DLG5: variants seen among roughly 807,000 people sequenced by gnomAD.
The protein encoded by DLG5 is discs large MAGUK scaffold protein 5.
Under a neutral mutation model 189.8 loss-of-function variants are expected in DLG5, and 48 were observed. That is an observed-to-expected ratio of 0.25 (90% CI 0.20 to 0.32). DLG5 has a LOEUF of 0.32. Ranked by LOEUF, DLG5 falls within the 10% of genes least tolerant of loss-of-function variation. The pLI, the probability that DLG5 is intolerant of heterozygous loss-of-function variation, is 1.00. For missense variants in DLG5, 2,160 were observed against 2,544.7 expected (o/e 0.85, Z 3.25); for synonymous variants, 1,016 against 1,054.1 (o/e 0.96, Z 0.70).
At chr10:77,828,779 C>T (rs1473006114) in intron 13 of DLG5, 103 bp downstream of exon 13, 1 of 1,111,464 alleles carries the variant, frequency 9.0e-7, no homozygotes, top group Non-Finnish European at 1.3e-6. Context: ...ATGCCCACAA[C>T]AAGGAAAATA....
upstream of DLG5, among the ~76,000 whole-genome samples, chr10:77,930,450 C>T (rs904381519): frequency 6.6e-5 from 10 of 150,890 alleles, no homozygotes; most frequent in Non-Finnish European, 1.2e-4. Context: ...CGGGTTCAAG[C>T]GATTCTCCTG....
chr10:77,915,451 A>G (rs1278995516), intron 1 of DLG5, among the ~76,000 whole-genome samples: 2 of 152,226 alleles, frequency 1.3e-5, no homozygotes, highest in African/African-American at 4.8e-5. Flanking sequence ...TTAATTTCCC[A>G]AAAATGCATT....
At chr10:77,936,403 A>C in the DLG5 span, among the ~76,000 whole-genome samples, 1 of 146,410 alleles carries the variant, frequency 6.8e-6, no homozygotes, top group Admixed American at 7.1e-5. Context: ...ACGCCACAGC[A>C]CTCTAGCCTG....
At chr10:77,841,844 G>C in intron 7 of DLG5, 37 bp downstream of exon 7, 1 of 1,584,826 alleles carries the variant, frequency 6.3e-7, no homozygotes, top group Non-Finnish European at 8.6e-7. Flanking sequence ...GATGCTGTAG[G>C]AGAGGCTGAA....
chr10:77,820,074 A>G (rs1842264556), intron 15 of DLG5, 56 bp from the exon 16 acceptor site: 2 of 1,602,800 alleles, frequency 1.2e-6, no homozygotes, highest in African/African-American at 1.3e-5. Context: ...GGCCAGGCGC[A>G]GTGGCTCACA....
At chr10:77,921,602 G>C (rs1444181610) in intron 1 of DLG5, among the ~76,000 whole-genome samples, 1 of 152,174 alleles carries the variant, frequency 6.6e-6, no homozygotes, top group Non-Finnish European at 1.5e-5. Flanking sequence ...CTCAGGCTGG[G>C]TAAACACATG....
rs1396509563 is a variant in DLG5, at chr10:77,843,433, G to A, written c.1124+14C>T. ...GACCCATTTGCCCCCGGCCCCCGATGGCCCTAGCCCTACCTCCTCAGGGAG... is the reference window on the plus strand; with the variant it reads ...GACCCATTTGCCCCCGGCCCCCGATAGCCCTAGCCCTACCTCCTCAGGGAG... On this transcript the variant is annotated intron_variant, in intron 6 of 31. Transcript: ENST00000372391. 1 of 1,611,300 alleles carries A rather than the reference G, an allele frequency of 6.2e-7. No individual in the cohort carries two copies. Among genetic ancestry groups the A allele is most frequent in the Non-Finnish European group, 8.5e-7 (1 of 1,179,116 alleles).
At chr10:77,804,204 A>G (rs557784561) in intron 27 of DLG5, among the ~76,000 whole-genome samples, 2 of 152,278 alleles carry the variant, frequency 1.3e-5, no homozygotes, top group South Asian at 2.1e-4. Flanking sequence ...AACTTTTTCT[A>G]TAAGGGGCAA....
At chr10:77,833,056 C>T (rs1842953624) in intron 9 of DLG5, among the ~76,000 whole-genome samples, 1 of 152,168 alleles carries the variant, frequency 6.6e-6, no homozygotes, top group Non-Finnish European at 1.5e-5. Flanking sequence ...CTTCTCACTG[C>T]CCCCTCACCA....
At chr10:77,937,984 C>G in the DLG5 span, among the ~76,000 whole-genome samples, 1 of 150,052 alleles carries the variant, frequency 6.7e-6, no homozygotes, top group Admixed American at 6.7e-5. Context: ...TCCCGAAGTG[C>G]TGGGATTACA....
intron 1 of DLG5, among the ~76,000 whole-genome samples, chr10:77,894,444 T>A (rs1355718620): frequency 6.6e-6 from 1 of 152,128 alleles, no homozygotes; most frequent in African/African-American, 2.4e-5. Flanking sequence ...ACAATGTTAA[T>A]AGGGTTGCCT....
chr10:77,822,048 T>C lies in DLG5; in HGVS notation c.2436A>G (p.Lys812=). The change falls in exon 15 of 32, where the codon AAA becomes AAG. Residue 812 remains lysine, a synonymous_variant. Coordinates refer to ENST00000372391, the MANE Select transcript of DLG5 (RefSeq NM_004747.4). ...GAAAACTCAGCATCTTATCAGAGTC[T>C]TTGATATTTTCAAAAATGTTCTGGC... ...WSGQNIFENI[K]DSDKMLSFRA... is the part of the protein sequence containing the mutation. The C allele has an allele frequency of 5.6e-6, 9 of 1,614,186 alleles. No homozygotes were observed. Among genetic ancestry groups the C allele is most frequent in the Non-Finnish European group, 7.6e-6 (9 of 1,180,022 alleles).
At chr10:77,830,489 C>T (rs991766376) in intron 10 of DLG5, 145 bp from the exon 11 acceptor site, 10 of 1,330,784 alleles carry the variant, frequency 7.5e-6, no homozygotes, top group Non-Finnish European at 1.0e-5. Flanking sequence ...GGATGGAAAC[C>T]TATGAGTATC....
In DLG5 at chr10:77,806,789, T is replaced by C. The variant is rs1223670287; in HGVS notation, c.4936A>G (p.Ile1646Val). The C allele has an allele frequency of 6.3e-7, 1 of 1,585,028 alleles. No individual in the cohort carries two copies. Among genetic ancestry groups the C allele is most frequent in the Admixed American group, 1.7e-5 (1 of 59,062 alleles). The change falls in exon 26 of 32, where the codon ATC (isoleucine) becomes GTC (valine). Residue 1646 changes from isoleucine (I) to valine (V), a missense_variant. Physicochemically the swap from Ile to Val is conservative, Grantham distance 29. This residue lies in a region of DLG5 where 574 missense variants were observed against 644.2 expected (regional missense o/e 0.89). Coordinates refer to ENST00000372391, the MANE Select transcript of DLG5 (RefSeq NM_004747.4). The part of the protein sequence containing the change: ...AWQLDENAQK[I>V]QRGQIPSKYV... ...TTGCTGGGAATCTGCCCGCGCTGGA[T>C]CTTCTGGGCATTCTCGTCCAGCTGC... is the stretch of plus-strand genomic sequence containing the variant.
Position 77,853,410 on chromosome 10 carries a change from G to A in DLG5, c.808C>T (p.Arg270Trp), listed in dbSNP as rs757874188. 5 of 1,606,528 alleles carry A rather than the reference G, an allele frequency of 3.1e-6. No individual in the cohort carries two copies. The highest frequency in any genetic ancestry group is 1.1e-5 in the South Asian group (1 of 89,348). The change falls in exon 5 of 32, where the codon CGG becomes TGG. Residue 270 changes from arginine (R) to tryptophan (W), a missense_variant. Arg to Trp is a moderately radical substitution (Grantham distance 101). This residue lies in a region of DLG5 where 664 missense variants were observed against 838.5 expected (regional missense o/e 0.79). Transcript: ENST00000372391. ...LLQQSWEDMK[R>W]LHEEDQKEIG... is the part of the protein sequence containing the mutation. Reference sequence around the variant, plus strand: ...TCCTTCTGGTCCTCCTCGTGGAGCCGCTTCATGTCCTCCCATGACTGCTGC... The same window carrying A: ...TCCTTCTGGTCCTCCTCGTGGAGCCACTTCATGTCCTCCCATGACTGCTGC...
chr10:77,892,904 A>C (rs1201499958), intron 1 of DLG5, among the ~76,000 whole-genome samples: 3 of 152,276 alleles, frequency 2.0e-5, no homozygotes, highest in Admixed American at 6.5e-5. Flanking sequence ...ACAAAGCTGA[A>C]TCTGGAACAC....
chr10:77,888,029 A>G (rs1377755803), intron 1 of DLG5, among the ~76,000 whole-genome samples: 1 of 152,178 alleles, frequency 6.6e-6, no homozygotes, highest in Non-Finnish European at 1.5e-5. Context: ...TGGGCTCCCA[A>G]CTTCTTAGTT....
intron 1 of DLG5, among the ~76,000 whole-genome samples, chr10:77,914,518 G>A (rs541934559): frequency 6.6e-6 from 1 of 152,150 alleles, no homozygotes; most frequent in Non-Finnish European, 1.5e-5. Flanking sequence ...CACAGCTTAG[G>A]AGTAAAGAGC....
At chr10:77,855,337 G>A (rs1844179425) in intron 3 of DLG5, among the ~76,000 whole-genome samples, 1 of 152,266 alleles carries the variant, frequency 6.6e-6, no homozygotes, top group Non-Finnish European at 1.5e-5. Flanking sequence ...GTTCTGAAGG[G>A]AGGGAAAGAG....
Sources: allele counts gnomAD v4.1 joint callset (sites outside exome capture counted in the v4.1 genomes callset), GRCh38; gene constraint gnomAD v4.1.1; regional missense constraint gnomAD v4.1.1; transcripts MANE v1.5; gene names NCBI Gene and HGNC (gene_info 2026-07-23, HGNC 2026-07-21).